The following PADI3 variants were observed in gnomAD, a reference collection of about 807,000 sequenced individuals.
PADI3 encodes peptidyl arginine deiminase 3, also known as protein-arginine deiminase type-3.
In PADI3, 53 loss-of-function variants were observed where a neutral mutation model predicts 71.5. That is an observed-to-expected ratio of 0.74 (90% CI 0.59 to 0.93). The LOEUF is 0.93. Among genes scored for constraint, PADI3 ranks in the 40% least tolerant of loss-of-function variants. The pLI is 0.00. For synonymous variants in PADI3, 361 were observed against 347.5 expected (o/e 1.04, Z -0.43); for missense variants, 821 against 868.0 (o/e 0.95, Z 0.68).
At chr1:17,258,251 A>G (rs181198935) in intron 1 of PADI3, among the ~76,000 whole-genome samples, 318 of 152,268 alleles carry the variant, frequency 2.1e-3, no homozygotes, top group African/African-American at 7.2e-3. Context: ...GCCTCTCCCT[A>G]CATGGGTTCC....
chr1:17,262,877 A>G (rs1421872131), intron 3 of PADI3, among the ~76,000 whole-genome samples: 2 of 152,190 alleles, frequency 1.3e-5, no homozygotes, highest in Non-Finnish European at 2.9e-5. Context: ...GTCTAAATTC[A>G]ATGAAATTCC....
chr1:17,259,742 A>G lies in PADI3; in HGVS notation c.257A>G (p.Asp86Gly). The change falls in exon 2 of 16, where the codon GAC (aspartate) becomes GGC (glycine). Residue 86 changes from aspartate (D) to glycine (G), a missense_variant. Physicochemically the swap from Asp to Gly is moderately conservative, Grantham distance 94. Transcript: ENST00000375460. The stretch of plus-strand genomic sequence containing the variant: ...GTGGTCATGAACTCCCCCAGCAATG[A>G]CCTCAACGACAGCCATGTGAGCTGG... ...IIVVMNSPSN[D>G]LNDSHVQISY... The G allele has an allele frequency of 6.2e-7, 1 of 1,605,348 alleles. No homozygotes were observed. The highest frequency in any genetic ancestry group is 8.5e-7 in the Non-Finnish European group (1 of 1,173,924).
intron 1 of PADI3, among the ~76,000 whole-genome samples, chr1:17,255,206 C>T (rs1198920551): frequency 1.3e-5 from 2 of 152,238 alleles, no homozygotes; most frequent in African/African-American, 2.4e-5. Context: ...TGTCTGGGAC[C>T]TTGCAGGTTT....
At chr1:17,271,234 C>G in intron 9 of PADI3, 56 bp downstream of exon 9, 1 of 1,434,398 alleles carries the variant, frequency 7.0e-7, no homozygotes, top group Non-Finnish European at 9.6e-7. Flanking sequence ...AGAGAGAGGC[C>G]TTCATTTGGG....
Position 17,267,922 on chromosome 1 carries a change from C to T in PADI3, c.612C>T (p.Ser204=), listed in dbSNP as rs2073192971. 6.2e-7 allele frequency: 1 copy of T among 1,614,218 alleles called. No individual in the cohort carries two copies. Among genetic ancestry groups the T allele is most frequent in the African/African-American group, 1.3e-5 (1 of 75,074 alleles). ...ACCACAAACTTGTCCTCCATACCTCCAGCTATGATGCCAAACGGGCACAGG... is the reference window on the plus strand; with the variant it reads ...ACCACAAACTTGTCCTCCATACCTCTAGCTATGATGCCAAACGGGCACAGG... ...FDDHKLVLHT[S]SYDAKRAQVF... The change falls in exon 6 of 16, where the codon TCC becomes TCT. Residue 204 remains serine, a synonymous_variant. Coordinates refer to ENST00000375460, the MANE Select transcript of PADI3 (RefSeq NM_016233.2).
chr1:17,277,141 C>G (rs1201849408), intron 13 of PADI3, among the ~76,000 whole-genome samples: 1 of 151,226 alleles, frequency 6.6e-6, no homozygotes, highest in African/African-American at 2.4e-5. Flanking sequence ...GTGACCAGTG[C>G]AGTCACGGCG....
intron 1 of PADI3, among the ~76,000 whole-genome samples, chr1:17,252,810 C>A (rs1229349318): frequency 2.0e-5 from 3 of 152,206 alleles, no homozygotes; most frequent in Admixed American, 6.5e-5. Context: ...CAGACTGGAC[C>A]CATTCCCACT....
chr1:17,271,202 C>T (rs1340779399), intron 9 of PADI3, 24 bp downstream of exon 9: 1 of 1,596,126 alleles, frequency 6.3e-7, no homozygotes, highest in Non-Finnish European at 8.6e-7. Context: ...CTGGGCAGGG[C>T]CCAGCAAGGA....
At chr1:17,258,523 T>G (rs2073057580) in intron 1 of PADI3, among the ~76,000 whole-genome samples, 1 of 152,244 alleles carries the variant, frequency 6.6e-6, no homozygotes, top group Non-Finnish European at 1.5e-5. Flanking sequence ...GCAATTAATT[T>G]CTGGTTGTTT....
In PADI3 at chr1:17,273,558, A is replaced by G. The variant is rs2073286002; in HGVS notation, c.1155+111A>G. 4.7e-6 allele frequency: 3 copies of G among 632,758 alleles called. No individual in the cohort carries two copies. The South Asian group carries it at 6.0e-5, about 13-fold the overall frequency. The allele number at this position is 632,758 out of a possible 1,614,324, so 39.2% of individuals were successfully genotyped here. On this transcript the variant is annotated intron_variant, in intron 10 of 15. Coordinates refer to ENST00000375460, the MANE Select transcript of PADI3 (RefSeq NM_016233.2). ...GCAGTGGGAACCGTGCTCTTTAGGG[A>G]TGAGGGTAGGGTTGCCAGATAAAAT...
rs188872190 is a variant in PADI3 at position 17,264,736 on chromosome 1, C to T, written c.347-923C>T. ...TGTTTAAAAATCATTTCAGGCCACGCGTGGTGGCTCATGCTTGTAATCCCA... is the reference window on the plus strand; with the variant it reads ...TGTTTAAAAATCATTTCAGGCCACGTGTGGTGGCTCATGCTTGTAATCCCA... On this transcript the variant is annotated intron_variant, in intron 3 of 15. Transcript: ENST00000375460. Among the ~76,000 whole-genome samples the T allele has an allele frequency of 8.5e-5, 13 of 152,228 alleles. No homozygotes were observed. The East Asian group carries it at 1.7e-3, about 20-fold the overall frequency.
At position 17,261,542 on chromosome 1, in the gene PADI3, T is replaced by TGCC. The variant is rs1478866273; in HGVS notation, c.274-590_274-588dup. On this transcript the variant is annotated intron_variant, in intron 2 of 15. Transcript: ENST00000375460. ...TTTAACCAGCCCCCACCCCACAAGATGCCACCTGCCCACTGATAACAGTAG... is the reference window on the plus strand; with the variant it reads ...TTTAACCAGCCCCCACCCCACAAGATGCCGCCACCTGCCCACTGATAACAGTAG... Among the ~76,000 whole-genome samples the TGCC allele has an allele frequency of 3.3e-5, 5 of 152,226 alleles. No individual in the cohort carries two copies. In the East Asian group the frequency reaches 7.7e-4, roughly 23 times the overall value.
intron 11 of PADI3, among the ~76,000 whole-genome samples, chr1:17,275,436 C>A (rs1450601883): frequency 1.4e-3 from 128 of 89,458 alleles, no homozygotes; most frequent in African/African-American, 3.2e-3. Flanking sequence ...GACTCCGTCT[C>A]AAAAAAAAAA....
intron 3 of PADI3, among the ~76,000 whole-genome samples, chr1:17,264,987 C>T (rs184311845): frequency 1.5e-3 from 222 of 146,896 alleles, no homozygotes; most frequent in African/African-American, 5.6e-3. Context: ...CCAGCCTGGG[C>T]GACAGAGACC....
At chr1:17,256,472 C>T (rs983868977) in intron 1 of PADI3, among the ~76,000 whole-genome samples, 6 of 152,244 alleles carry the variant, frequency 3.9e-5, no homozygotes, top group Non-Finnish European at 8.8e-5. Flanking sequence ...GCTTGTTCAC[C>T]TGTGCTAAGC....
rs760591690 is a variant in PADI3, at chr1:17,265,701, A to G, written c.389A>G (p.Asp130Gly). 8 of 1,614,184 alleles carry G rather than the reference A, an allele frequency of 5.0e-6. No individual in the cohort carries two copies. The highest frequency in any genetic ancestry group is 1.7e-5 in the Admixed American group (1 of 60,018). ...DCDLNCEGRQ[D>G]RNFVDKRQWV... ...GACCTGAACTGTGAGGGAAGGCAGG[A>G]CAGGAACTTTGTAGACAAGGTAAGC... The change falls in exon 4 of 16, where the codon GAC becomes GGC. Residue 130 changes from aspartate to glycine, a missense_variant. Physicochemically the swap from Asp to Gly is moderately conservative, Grantham distance 94. Coordinates refer to ENST00000375460, the MANE Select transcript of PADI3 (RefSeq NM_016233.2).
Position 17,262,160 on chromosome 1 carries a change from G to A in PADI3, c.301G>A (p.Glu101Lys), listed in dbSNP as rs1373287358. 1.9e-6 allele frequency: 3 copies of A among 1,613,540 alleles called. No individual in the cohort carries two copies. The highest frequency in any genetic ancestry group is 2.2e-5 in the East Asian group (1 of 44,808). Residue 101 changes from glutamate (E) to lysine (K), a missense_variant, in exon 3 of 16, where the codon GAG (glutamate) becomes AAG (lysine). Physicochemically the swap from Glu to Lys is moderately conservative, Grantham distance 56. Transcript: ENST00000375460. ...TCAGATTTCCTACCACTCCAGCCAT[G>A]AGCCTCTGCCCCTGGCCTATGCGGT... The part of the protein sequence containing the change: ...HVQISYHSSH[E>K]PLPLAYAVLY...
intron 10 of PADI3, among the ~76,000 whole-genome samples, chr1:17,274,114 A>G (rs1003798623): frequency 1.3e-5 from 2 of 152,216 alleles, no homozygotes; most frequent in Admixed American, 6.5e-5. Flanking sequence ...CAACCCCCTC[A>G]CTGATCACAC....
chr1:17,259,859 C>G, intron 2 of PADI3, 101 bp downstream of exon 2: 1 of 1,035,432 alleles, frequency 9.7e-7, no homozygotes, highest in Non-Finnish European at 1.4e-6. Context: ...CAGGGCAACA[C>G]AGTGGGTAAG....
Sources: allele counts gnomAD v4.1 joint callset (sites outside exome capture counted in the v4.1 genomes callset), GRCh38; gene constraint gnomAD v4.1.1; transcripts MANE v1.5; gene names NCBI Gene and HGNC (gene_info 2026-07-23, HGNC 2026-07-21).